Variants in TCOF1 observed in about 807,000 individuals in gnomAD.
TCOF1 encodes the protein treacle protein.
TCOF1 carries 33 observed loss-of-function variants against 149.0 expected under a neutral mutation model. The observed-to-expected ratio is 0.22, with a 90% CI of 0.17 to 0.30. TCOF1 has a LOEUF of 0.30. Ranked by LOEUF, TCOF1 falls within the 10% of genes least tolerant of loss-of-function variation. The pLI is 1.00. For synonymous variants in TCOF1, 789 were observed against 738.8 expected (o/e 1.07, Z -1.10); for missense variants, 1,728 against 1,840.7 (o/e 0.94, Z 1.12).
chr5:150,385,110 T>C (rs1170163800), intron 17 of TCOF1: 7 of 979,492 alleles, frequency 7.1e-6, no homozygotes, highest in Middle Eastern at 1.0e-3. Flanking sequence ...TATTCCACAA[T>C]GTATATGTGT....
chr5:150,360,711 T>C (rs1371199367), intron 1 of TCOF1, among the ~76,000 whole-genome samples: 1 of 151,886 alleles, frequency 6.6e-6, no homozygotes, highest in Non-Finnish European at 1.5e-5. Flanking sequence ...GCAGACATAC[T>C]TCCCAGAGCA....
intron 7 of TCOF1, among the ~76,000 whole-genome samples, chr5:150,373,044 C>G (rs924572274): frequency 6.6e-6 from 1 of 152,192 alleles, no homozygotes; most frequent in Non-Finnish European, 1.5e-5. Context: ...GGGGGCTACA[C>G]AGTGTTGGAT....
chr5:150,360,988 A>T (rs1324335101), intron 1 of TCOF1, among the ~76,000 whole-genome samples, 168 bp from the exon 2 acceptor site: 1 of 152,080 alleles, frequency 6.6e-6, no homozygotes, highest in Non-Finnish European at 1.5e-5. Context: ...TTCCTGCCTC[A>T]GCCTCCCAAA....
intron 20 of TCOF1, 79 bp downstream of exon 20, chr5:150,391,736 C>T (rs1463749758): frequency 2.2e-6 from 3 of 1,373,474 alleles, no homozygotes; most frequent in African/African-American, 2.9e-5. Flanking sequence ...GGCACCAGCA[C>T]TCATCTGCCC....
rs375265976 is a variant in TCOF1, at chr5:150,374,973, C to G, written c.1298C>G (p.Ala433Gly). 1.2e-6 allele frequency: 2 copies of G among 1,613,646 alleles called. No homozygotes were observed. The highest frequency in any genetic ancestry group is 2.2e-5 in the East Asian group (1 of 44,862). The part of the protein sequence containing the change: ...APAQAKPSGK[A>G]PQVRAASAPA... ...CTCCAGGCGAAGCCTTCAGGGAAGG[C>G]CCCCCAGGTCAGAGCCGCCTCGGCC... Residue 433 changes from alanine to glycine, a missense_variant, in exon 10 of 27, where the codon GCC becomes GGC. Coordinates refer to ENST00000643257, the MANE Select transcript of TCOF1 (RefSeq NM_001371623.1).
At chr5:150,375,282 C>G (rs1210889886) in intron 10 of TCOF1, 57 bp from the exon 11 acceptor site, 1 of 1,604,410 alleles carries the variant, frequency 6.2e-7, no homozygotes, top group Non-Finnish European at 8.5e-7. Context: ...CTCTCCTCCC[C>G]TCACTCACAT....
At chr5:150,361,363 G>A (rs1760048606) in intron 2 of TCOF1, 152 bp downstream of exon 2, 2 of 830,498 alleles carry the variant, frequency 2.4e-6, no homozygotes, top group South Asian at 1.4e-5. Flanking sequence ...CACATCACAT[G>A]GATGGGTATT....
chr5:150,382,982 G>T, intron 17 of TCOF1: 2 of 1,178,508 alleles, frequency 1.7e-6, no homozygotes, highest in Non-Finnish European at 1.2e-6. Context: ...GTGCCTGAGG[G>T]TCATTGCCTA....
At chr5:150,358,838 A>G (rs891385355) in intron 1 of TCOF1, among the ~76,000 whole-genome samples, 2 of 150,962 alleles carry the variant, frequency 1.3e-5, no homozygotes, top group Admixed American at 6.6e-5. Flanking sequence ...CTCTGCCTCA[A>G]AAAAAAAAGA....
intron 17 of TCOF1, among the ~76,000 whole-genome samples, chr5:150,386,527 T>C (rs1766339111): frequency 1.3e-5 from 2 of 152,196 alleles, no homozygotes; most frequent in Non-Finnish European, 2.9e-5. Flanking sequence ...TTTTACTTTT[T>C]ACTTTATGCC....
intron 7 of TCOF1, among the ~76,000 whole-genome samples, chr5:150,373,436 C>T (rs1762990562): frequency 6.6e-6 from 1 of 152,228 alleles, no homozygotes; most frequent in South Asian, 2.1e-4. Flanking sequence ...GAGCAGCCTG[C>T]ACTTTCTGCA....
At chr5:150,364,660 T>A (rs1760910564) in intron 3 of TCOF1, among the ~76,000 whole-genome samples, 1 of 152,162 alleles carries the variant, frequency 6.6e-6, no homozygotes, top group Admixed American at 6.5e-5. Flanking sequence ...GATCTTCATG[T>A]TCATTTAGAA....
intron 1 of TCOF1, among the ~76,000 whole-genome samples, chr5:150,359,283 G>A (rs971879455): frequency 4.0e-5 from 6 of 149,706 alleles, no homozygotes; most frequent in Non-Finnish European, 8.9e-5. Context: ...GGAGGCAGAG[G>A]TTGCACTGAG....
In TCOF1 at chr5:150,396,466, G is replaced by A. The variant is rs773191138; in HGVS notation, c.3969G>A (p.Leu1323=). ...CAGTGGTGAAGGTCCTGACTGAGCT[G>A]CTGGAACAGGAAAGAAAGAAGGTGG... The part of the protein sequence containing the change: ...QASVVKVLTE[L]LEQERKKVVD... The change falls in exon 24 of 27, where the codon CTG becomes CTA. Residue 1323 remains leucine, a synonymous_variant. Coordinates refer to ENST00000643257, the MANE Select transcript of TCOF1 (RefSeq NM_001371623.1). 3 of 1,614,044 alleles carry A rather than the reference G, an allele frequency of 1.9e-6. No individual in the cohort carries two copies. Among genetic ancestry groups the A allele is most frequent in the Non-Finnish European group, 2.5e-6 (3 of 1,180,014 alleles).
At chr5:150,361,917 C>A (rs1156794604) in intron 2 of TCOF1, among the ~76,000 whole-genome samples, 1 of 152,130 alleles carries the variant, frequency 6.6e-6, no homozygotes. Context: ...GGAATTTTGT[C>A]TTTATCCAAG....
intron 7 of TCOF1, 43 bp from the exon 8 acceptor site, chr5:150,374,130 GT>G (rs1211142903): frequency 1.3e-6 from 2 of 1,583,594 alleles, no homozygotes; most frequent in Non-Finnish European, 1.7e-6. Flanking sequence ...TCACCAGAGA[GT>G]TTTCACAAGC....
At chr5:150,380,020 C>A in intron 17 of TCOF1, 3 of 390,502 alleles carry the variant, frequency 7.7e-6, no homozygotes, top group African/African-American at 2.2e-5. Context: ...TGCAGCAAGC[C>A]AAGATCATGC....
rs1195908562 is a variant in TCOF1, at chr5:150,368,860, G to A, written c.523G>A (p.Glu175Lys). The A allele has an allele frequency of 6.2e-7, 1 of 1,613,992 alleles. No homozygotes were observed. Among genetic ancestry groups the A allele is most frequent in the Non-Finnish European group, 8.5e-7 (1 of 1,180,040 alleles). ...ANTTLVSETE[E>K]EGSVPAFGAA... ...TACTACGTTGGTCTCAGAAACTGAG[G>A]AGGAGGGCAGCGTCCCGGCCTTTGG... Residue 175 changes from glutamate to lysine, a missense_variant, in exon 5 of 27, where the codon GAG (glutamate) becomes AAG (lysine). Glu to Lys is a moderately conservative substitution (Grantham distance 56). Around this residue, in one of 2 missense-constraint regions of TCOF1, gnomAD observed 1,696 missense variants for 1,765.4 expected, o/e 0.96. Coordinates refer to ENST00000643257, the MANE Select transcript of TCOF1 (RefSeq NM_001371623.1).
chr5:150,376,300 G>A lies in TCOF1; in HGVS notation c.2112G>A (p.Glu704=). Reference sequence around the variant, plus strand: ...GTGAGGAATCAGATAGTGAGGAAGAGAAGACAGGTCTTGCAGTAACCGTGG... The same window carrying A: ...GTGAGGAATCAGATAGTGAGGAAGAAAAGACAGGTCTTGCAGTAACCGTGG... ...SSSEESDSEE[E]KTGLAVTVGQ... The change falls in exon 13 of 27, where the codon GAG becomes GAA. Residue 704 remains glutamate, a synonymous_variant. Coordinates refer to ENST00000643257, the MANE Select transcript of TCOF1 (RefSeq NM_001371623.1). The A allele has an allele frequency of 1.2e-6, 2 of 1,614,196 alleles. No individual in the cohort carries two copies. The highest frequency in any genetic ancestry group is 2.2e-5 in the East Asian group (1 of 44,876).
Sources: gnomAD v4.1 joint callset for allele counts (sites outside exome capture counted in the v4.1 genomes callset) on GRCh38, gnomAD v4.1.1 for gene constraint, gnomAD v4.1.1 regional missense constraint, MANE v1.5 for transcripts, NCBI Gene and HGNC (gene_info 2026-07-23, HGNC 2026-07-21) for gene names.